NIM1K: variants seen among roughly 807,000 people sequenced by gnomAD.
NIM1K encodes NIM1 serine/threonine protein kinase, also known as serine/threonine-protein kinase NIM1.
Under a neutral mutation model 37.1 loss-of-function variants are expected in NIM1K, and 35 were observed. The ratio of observed to expected loss-of-function variants is 0.94; its 90% CI spans 0.72 to 1.25. NIM1K has a LOEUF of 1.25. NIM1K is among the 50% of genes most tolerant of loss of function. NIM1K has a pLI of 0.00. For missense variants in NIM1K, 564 were observed against 548.0 expected (o/e 1.03, Z -0.29); for synonymous variants, 234 against 206.6 (o/e 1.13, Z -1.14).
chr5:43,233,274 A>T, intron 1 of NIM1K: 1 of 479,664 alleles, frequency 2.1e-6, no homozygotes, highest in Non-Finnish European at 3.6e-6. Context: ...GAACCTGCCT[A>T]TTATTTTCTT....
intron 1 of NIM1K, among the ~76,000 whole-genome samples, chr5:43,209,345 C>T (rs1052409778): frequency 1.3e-5 from 2 of 152,196 alleles, no homozygotes; most frequent in Admixed American, 1.3e-4. Flanking sequence ...GCTCATCAAA[C>T]CCGCAGTGTT....
intron 2 of NIM1K, among the ~76,000 whole-genome samples, chr5:43,275,823 G>C (rs1329063255): frequency 6.6e-6 from 1 of 151,986 alleles, no homozygotes; most frequent in African/African-American, 2.4e-5. Flanking sequence ...TACCTTGAAG[G>C]ATCATCAGGA....
chr5:43,249,006 G>A (rs1752828185), intron 2 of NIM1K, among the ~76,000 whole-genome samples: 1 of 150,734 alleles, frequency 6.6e-6, no homozygotes, highest in Non-Finnish European at 1.5e-5. Context: ...CGAGTAGCTG[G>A]GATTACAGAC....
At chr5:43,273,797 C>T (rs570505758) in intron 2 of NIM1K, among the ~76,000 whole-genome samples, 99 of 152,326 alleles carry the variant, frequency 6.5e-4, no homozygotes, top group African/African-American at 2.3e-3. Context: ...AATTTAAGTG[C>T]CCTTACCCAG....
At chr5:43,232,328 G>A (rs923724686) in intron 1 of NIM1K, 16 of 1,283,888 alleles carry the variant, frequency 1.2e-5, no homozygotes, top group Non-Finnish European at 1.8e-5. Context: ...CTGTTTCATG[G>A]TAGGCTTTCT....
chr5:43,253,903 C>T (rs901447459), intron 2 of NIM1K, among the ~76,000 whole-genome samples: 14 of 152,048 alleles, frequency 9.2e-5, no homozygotes, highest in African/African-American at 3.1e-4. Context: ...CCTCGTGATC[C>T]GCCCGCCTCA....
At chr5:43,266,218 G>T (rs1212967365) in intron 2 of NIM1K, among the ~76,000 whole-genome samples, 1 of 152,214 alleles carries the variant, frequency 6.6e-6, no homozygotes, top group Non-Finnish European at 1.5e-5. Flanking sequence ...TGCCCCTAGA[G>T]GTGGAGTCTA....
At chr5:43,255,369 C>A (rs1408773431) in intron 2 of NIM1K, among the ~76,000 whole-genome samples, 1 of 152,144 alleles carries the variant, frequency 6.6e-6, no homozygotes, top group Admixed American at 6.5e-5. Context: ...AATCTCTGTC[C>A]TTATGGAACT....
chr5:43,207,278 GGA>G (rs1217917624), intron 1 of NIM1K: 9 of 759,436 alleles, frequency 1.2e-5, no homozygotes, highest in Non-Finnish European at 2.2e-5. Flanking sequence ...ACTCATTCTG[GGA>G]GAGAGAGATG....
chr5:43,232,314 A>C (rs1042494957), intron 1 of NIM1K: 5 of 1,242,194 alleles, frequency 4.0e-6, no homozygotes, highest in Non-Finnish European at 4.7e-6. Flanking sequence ...TCTGCTACAG[A>C]AAGCTGTTTC....
At chr5:43,210,964 A>G (rs1212873096) in intron 1 of NIM1K, among the ~76,000 whole-genome samples, 1 of 152,146 alleles carries the variant, frequency 6.6e-6, no homozygotes, top group Non-Finnish European at 1.5e-5. Context: ...TGAGGTCGGG[A>G]GTTGGAGACC....
Position 43,280,186 on chromosome 5 carries a change from C to T in NIM1K, c.768C>T (p.Ala256=), listed in dbSNP as rs148557330. 7.6e-5 allele frequency: 122 copies of T among 1,614,122 alleles called. No individual in the cohort carries two copies. The Middle Eastern group carries it at 8.2e-4, about 11-fold the overall frequency. ...TCGGCATTTACGTGGATATCTGGGC[C>T]TTGGGGGTGCTTTTGTACTTCATGG... ...HYIGIYVDIW[A]LGVLLYFMVT... Residue 256 remains alanine, a synonymous_variant, in exon 4 of 4, where the codon GCC becomes GCT. Coordinates refer to ENST00000326035, the MANE Select transcript of NIM1K (RefSeq NM_153361.4).
intron 3 of NIM1K, among the ~76,000 whole-genome samples, chr5:43,278,132 G>T (rs773828827): frequency 2.9e-4 from 43 of 149,510 alleles, no homozygotes; most frequent in Non-Finnish European, 5.6e-4. Flanking sequence ...TGCAACCTCC[G>T]CCTCCCGGGT....
intron 1 of NIM1K, chr5:43,232,492 C>T (rs1752554268): frequency 1.3e-6 from 2 of 1,519,256 alleles, no homozygotes; most frequent in East Asian, 4.5e-5. Context: ...TCAACCTATT[C>T]AGTTTAGTAT....
At chr5:43,231,384 A>G (rs1752535975) in intron 1 of NIM1K, among the ~76,000 whole-genome samples, 1 of 152,172 alleles carries the variant, frequency 6.6e-6, no homozygotes, top group African/African-American at 2.4e-5. Context: ...TGTGTCAAAG[A>G]ATGAGGGCTA....
intron 1 of NIM1K, among the ~76,000 whole-genome samples, chr5:43,223,206 A>G (rs1752406695): frequency 6.6e-6 from 1 of 151,728 alleles, no homozygotes; most frequent in Non-Finnish European, 1.5e-5. Context: ...TATAGCACAC[A>G]GTGGTGCTTA....
intron 1 of NIM1K, among the ~76,000 whole-genome samples, chr5:43,234,277 G>A (rs1184432361): frequency 2.1e-5 from 3 of 143,004 alleles, no homozygotes; most frequent in Non-Finnish European, 4.7e-5. Context: ...TTCATTCAAT[G>A]CATGCATTTA....
At chr5:43,236,875 G>C (rs915707823) in intron 1 of NIM1K, among the ~76,000 whole-genome samples, 1 of 152,194 alleles carries the variant, frequency 6.6e-6, no homozygotes, top group Non-Finnish European at 1.5e-5. Context: ...CTAGAAACCA[G>C]CGCATACTGA....
At chr5:43,258,924 C>T (rs112397816) in intron 2 of NIM1K, among the ~76,000 whole-genome samples, 26 of 148,374 alleles carry the variant, frequency 1.8e-4, no homozygotes, top group Admixed American at 4.7e-4. Flanking sequence ...CTCACCCCCT[C>T]CCACCCTACC....
Sources: gnomAD v4.1 joint callset for allele counts (sites outside exome capture counted in the v4.1 genomes callset) on GRCh38, gnomAD v4.1.1 for gene constraint, MANE v1.5 for transcripts, NCBI Gene and HGNC (gene_info 2026-07-23, HGNC 2026-07-21) for gene names.